The following PRKN variants were observed in gnomAD, a reference collection of about 807,000 sequenced individuals.
The protein encoded by PRKN is parkin RBR E3 ubiquitin protein ligase.
Under a neutral mutation model 59.5 loss-of-function variants are expected in PRKN, and 56 were observed. The observed-to-expected ratio is 0.94, with a 90% CI of 0.76 to 1.18. PRKN has a LOEUF of 1.18. Ranked by LOEUF, PRKN falls within the 50% of genes most tolerant of loss-of-function variation. The pLI is 0.00. For synonymous variants in PRKN, 250 were observed against 222.1 expected (o/e 1.13, Z -1.12); for missense variants, 657 against 596.4 (o/e 1.10, Z -1.06).
At chr6:162,701,064 A>G (rs1470712019) in intron 1 of PRKN, among the ~76,000 whole-genome samples, 1 of 152,190 alleles carries the variant, frequency 6.6e-6, no homozygotes, top group Non-Finnish European at 1.5e-5. Flanking sequence ...TCTGAGATCA[A>G]CAAAAACTTG....
rs1307881419 is a variant in PRKN, at chr6:162,056,496, CA to C, written c.535-2323del. Among the ~76,000 whole-genome samples, 2 of 152,160 alleles carry C rather than the reference CA, an allele frequency of 1.3e-5. No homozygotes were observed. Among genetic ancestry groups the C allele is most frequent in the African/African-American group, 4.8e-5 (2 of 41,440 alleles). ...GACGGAGGCTCTTTACCCCAGACTT[CA>C]AAAGGAGCTGCATCTGGGATCCACC... On this transcript the variant is annotated intron_variant, in intron 4 of 11. Coordinates refer to ENST00000366898, the MANE Select transcript of PRKN (RefSeq NM_004562.3). This position sits in a 1 kb window ranked among gnomAD's most constrained non-coding sequence, Gnocchi z 4.9.
Position 161,874,412 on chromosome 6 carries a change from A to G in PRKN, c.735-88504T>C, listed in dbSNP as rs189538407. 6.0e-3 allele frequency among the ~76,000 whole-genome samples: 504 copies of G among 83,874 alleles called. 3 individuals are homozygous for G. Among genetic ancestry groups the G allele is most frequent in the Middle Eastern group, 0.017 (1 of 60 alleles). The allele number at this position is 83,874 out of a possible 152,430, so 55.0% of individuals were successfully genotyped here. On this transcript the variant is annotated intron_variant, in intron 6 of 11. Transcript: ENST00000366898. ...ATATTATATGTAAAATATTATATAT[A>G]AAATATATATTATATGTAAAATATT... is the stretch of plus-strand genomic sequence containing the variant.
At chr6:162,226,390 G>A (rs1385484464) in intron 3 of PRKN, among the ~76,000 whole-genome samples, 1 of 152,148 alleles carries the variant, frequency 6.6e-6, no homozygotes, top group East Asian at 1.9e-4. Context: ...CTTCCACAAT[G>A]GCACTGTAAT....
rs1007560484 is a variant in PRKN, at chr6:161,414,683, T to C, written c.1084-27806A>G. ...CACATCTGATGAAGAGGATTTTTTT[T>C]AACTGAGTAAGGTCATCTTTTCCTG... On this transcript the variant is annotated intron_variant, in intron 9 of 11. Transcript: ENST00000366898. The surrounding 1 kb of genome is among the most constrained non-coding windows in gnomAD (Gnocchi z 5.3). Among the ~76,000 whole-genome samples, 2 of 152,336 alleles carry C rather than the reference T, an allele frequency of 1.3e-5. No homozygotes were observed. Among genetic ancestry groups the C allele is most frequent in the East Asian group, 1.9e-4 (1 of 5,182 alleles).
At position 161,414,418 on chromosome 6, in the gene PRKN, G is replaced by T. The variant is rs138919089; in HGVS notation, c.1084-27541C>A. Among the ~76,000 whole-genome samples the T allele has an allele frequency of 2.0e-5, 3 of 152,314 alleles. No individual in the cohort carries two copies. The highest frequency in any genetic ancestry group is 7.2e-5 in the African/African-American group (3 of 41,554). Reference sequence around the variant, plus strand: ...AGGTTTCTGCCTGAGACAGTCCTTGGCCTCCAGCCACGGCTTCCGTGCCAT... The same window carrying T: ...AGGTTTCTGCCTGAGACAGTCCTTGTCCTCCAGCCACGGCTTCCGTGCCAT... On this transcript the variant is annotated intron_variant, in intron 9 of 11. Coordinates refer to ENST00000366898, the MANE Select transcript of PRKN (RefSeq NM_004562.3). The surrounding 1 kb of genome is among the most constrained non-coding windows in gnomAD (Gnocchi z 5.3).
chr6:162,198,438 T>A (rs751313613), intron 4 of PRKN, among the ~76,000 whole-genome samples: 5 of 151,134 alleles, frequency 3.3e-5, no homozygotes, highest in Admixed American at 6.6e-5. Context: ...AAAGCCTAGA[T>A]TGATTTCATA....
At chr6:162,619,239 T>C (rs1782556702) in intron 1 of PRKN, among the ~76,000 whole-genome samples, 1 of 150,900 alleles carries the variant, frequency 6.6e-6, no homozygotes, top group Non-Finnish European at 1.5e-5. Flanking sequence ...GCCTCCCAGG[T>C]TCAAGCGATT....
chr6:162,090,059 T>G (rs1005276065), intron 4 of PRKN, among the ~76,000 whole-genome samples: 20 of 152,294 alleles, frequency 1.3e-4, no homozygotes, highest in Non-Finnish European at 2.9e-4. Flanking sequence ...GTCAATCAAC[T>G]GTTATTTTTT....
chr6:162,223,528 A>G (rs1583222726), intron 3 of PRKN, among the ~76,000 whole-genome samples: 1 of 151,722 alleles, frequency 6.6e-6, no homozygotes, highest in African/African-American at 2.4e-5. Context: ...ACAGGCTGGT[A>G]TTTGACTAAA....
At chr6:162,178,558 A>G (rs1783642901) in intron 4 of PRKN, among the ~76,000 whole-genome samples, 1 of 152,182 alleles carries the variant, frequency 6.6e-6, no homozygotes, top group African/African-American at 2.4e-5. Context: ...AGTACCTACT[A>G]CCAAGCTATT....
chr6:161,364,473 CAAAAAAAAAA>C (rs57773007), intron 10 of PRKN, among the ~76,000 whole-genome samples: 1 of 37,898 alleles, frequency 2.6e-5, no homozygotes, highest in African/African-American at 1.2e-4. Context: ...ACCCGCCCCG[CAAAAAAAAAA>C]AAAAAAAAAA....
chr6:161,472,321 T>A (rs1426351186), intron 9 of PRKN, among the ~76,000 whole-genome samples: 1 of 152,168 alleles, frequency 6.6e-6, no homozygotes, highest in Non-Finnish European at 1.5e-5. Context: ...ACCCAATCCA[T>A]GACACCTACT....
At chr6:162,401,467 T>A (rs1178206185) in intron 2 of PRKN, among the ~76,000 whole-genome samples, 1 of 152,196 alleles carries the variant, frequency 6.6e-6, no homozygotes, top group Non-Finnish European at 1.5e-5. Flanking sequence ...ACACTTACAT[T>A]AGCCTACAGC....
At chr6:162,714,515 T>C (rs1395220398) in intron 1 of PRKN, among the ~76,000 whole-genome samples, 1 of 152,188 alleles carries the variant, frequency 6.6e-6, no homozygotes, top group Non-Finnish European at 1.5e-5. Flanking sequence ...GCTTTTGGCA[T>C]TATAAATACC....
At chr6:162,600,568 TC>T (rs1255940119) in intron 1 of PRKN, among the ~76,000 whole-genome samples, 3 of 152,190 alleles carry the variant, frequency 2.0e-5, no homozygotes, top group Non-Finnish European at 4.4e-5. Flanking sequence ...GTGGTTTGGA[TC>T]CGTGTGATTT....
At chr6:162,387,090 T>C (rs941341409) in intron 2 of PRKN, among the ~76,000 whole-genome samples, 13 of 152,054 alleles carry the variant, frequency 8.5e-5, no homozygotes, top group African/African-American at 3.1e-4. Context: ...CACAAAAGTA[T>C]TACTATACTA....
intron 7 of PRKN, among the ~76,000 whole-genome samples, chr6:161,738,223 T>C (rs1040925696): frequency 6.6e-6 from 1 of 152,202 alleles, no homozygotes; most frequent in Admixed American, 6.5e-5. Context: ...GAATAACTTA[T>C]TACTGAATTG....
chr6:162,279,394 A>C (rs1024376677), intron 2 of PRKN, among the ~76,000 whole-genome samples: 1 of 151,138 alleles, frequency 6.6e-6, no homozygotes, highest in Non-Finnish European at 1.5e-5. Context: ...AGGGAAAGAA[A>C]GAAAGACAGA....
intron 3 of PRKN, among the ~76,000 whole-genome samples, chr6:162,212,609 A>C (rs960299680): frequency 6.6e-6 from 1 of 152,194 alleles, no homozygotes; most frequent in African/African-American, 2.4e-5. Flanking sequence ...TAAAAGGTAA[A>C]CTTAGAGAAA....
Sources: gnomAD v4.1 joint callset for allele counts (sites outside exome capture counted in the v4.1 genomes callset) on GRCh38, gnomAD v4.1.1 for gene constraint, Gnocchi (gnomAD v3.1) non-coding constraint, MANE v1.5 for transcripts, NCBI Gene and HGNC (gene_info 2026-07-23, HGNC 2026-07-21) for gene names.